SLC35F1: variants seen among roughly 807,000 people sequenced by gnomAD.
SLC35F1 encodes the protein solute carrier family 35 member F1.
A neutral mutation model predicts 48.7 loss-of-function variants in SLC35F1; 14 were observed. The ratio of observed to expected loss-of-function variants is 0.29; its 90% CI spans 0.19 to 0.45. The LOEUF (loss-of-function observed/expected upper bound fraction) is 0.45. Among genes scored for constraint, SLC35F1 ranks in the 20% least tolerant of loss-of-function variants. SLC35F1 has a pLI of 1.00. For synonymous variants in SLC35F1, 190 were observed against 202.2 expected (o/e 0.94, Z 0.51); for missense variants, 404 against 500.0 (o/e 0.81, Z 1.83).
intron 1 of SLC35F1, among the ~76,000 whole-genome samples, chr6:117,937,215 C>G (rs1776172847): frequency 6.6e-6 from 1 of 152,166 alleles, no homozygotes; most frequent in African/African-American, 2.4e-5. Flanking sequence ...CTGCCACACT[C>G]TTATGGAAGA....
intron 2 of SLC35F1, among the ~76,000 whole-genome samples, chr6:118,199,334 A>AT (rs1213484019): frequency 3.3e-5 from 5 of 152,140 alleles, no homozygotes; most frequent in Non-Finnish European, 7.4e-5. Flanking sequence ...TTATATTTAC[A>AT]TTTTTATGCA....
At chr6:118,071,977 G>C (rs1053423589) in intron 1 of SLC35F1, among the ~76,000 whole-genome samples, 17 of 152,038 alleles carry the variant, frequency 1.1e-4, no homozygotes, top group African/African-American at 3.9e-4. Flanking sequence ...CTTTAGCTCC[G>C]GAATATTTTT....
chr6:118,050,763 A>T (rs1395916329), intron 1 of SLC35F1, among the ~76,000 whole-genome samples: 1 of 152,104 alleles, frequency 6.6e-6, no homozygotes, highest in Non-Finnish European at 1.5e-5. Flanking sequence ...AACCATATTT[A>T]AGGAACTTGA....
intron 1 of SLC35F1, among the ~76,000 whole-genome samples, chr6:117,982,597 T>C (rs533484459): frequency 6.6e-6 from 1 of 152,274 alleles, no homozygotes; most frequent in South Asian, 2.1e-4. Flanking sequence ...GAATCTGTGG[T>C]ATGGATGGAC....
chr6:118,100,301 T>G (rs1269618866), intron 1 of SLC35F1, among the ~76,000 whole-genome samples: 1 of 152,086 alleles, frequency 6.6e-6, no homozygotes, highest in Non-Finnish European at 1.5e-5. Flanking sequence ...AATAGACCAC[T>G]GAGAAAACTA....
intron 4 of SLC35F1, among the ~76,000 whole-genome samples, chr6:118,270,500 A>G (rs1260226946): frequency 6.6e-6 from 1 of 152,180 alleles, no homozygotes; most frequent in Non-Finnish European, 1.5e-5. Flanking sequence ...TGTGTTGGGA[A>G]GGATGCGAAC....
chr6:118,265,433 A>G (rs79173016), intron 3 of SLC35F1, among the ~76,000 whole-genome samples: 6,079 of 152,304 alleles, frequency 0.04, 421 homozygotes, highest in African/African-American at 0.14. Flanking sequence ...GAAGTACAGC[A>G]TTCAACAAAA....
rs956079540 is a variant in SLC35F1, at chr6:118,263,555, T to A, written c.478-3440T>A. Among the ~76,000 whole-genome samples the A allele has an allele frequency of 1.4e-4, 21 of 152,310 alleles. 3 individuals are homozygous for A. Among genetic ancestry groups the A allele is most frequent in the Admixed American group, 7.2e-4 (11 of 15,294 alleles). On this transcript the variant is annotated intron_variant, in intron 3 of 7. Transcript: ENST00000360388. ...GGAGATTTTTCAGAGCATAAGATGG[T>A]TATAAAATAATATTTGTTTATTTTT...
intron 1 of SLC35F1, among the ~76,000 whole-genome samples, chr6:118,100,143 T>C (rs1300879746): frequency 6.6e-6 from 1 of 152,152 alleles, no homozygotes; most frequent in Non-Finnish European, 1.5e-5. Context: ...ACATGAGCTA[T>C]AAGTGACAGG....
At chr6:118,195,013 A>C (rs1051731346) in intron 2 of SLC35F1, among the ~76,000 whole-genome samples, 1 of 152,142 alleles carries the variant, frequency 6.6e-6, no homozygotes, top group African/African-American at 2.4e-5. Flanking sequence ...GCCAGAGCAA[A>C]ATGTGTGTGA....
chr6:118,216,028 T>C (rs1214576457), intron 2 of SLC35F1, among the ~76,000 whole-genome samples: 4 of 152,076 alleles, frequency 2.6e-5, no homozygotes, highest in African/African-American at 9.7e-5. Context: ...AGATTTTGAA[T>C]ATTTGGTATG....
At chr6:117,989,385 C>A (rs1776888826) in intron 1 of SLC35F1, among the ~76,000 whole-genome samples, 1 of 152,184 alleles carries the variant, frequency 6.6e-6, no homozygotes, top group African/African-American at 2.4e-5. Context: ...CCACTTGTAG[C>A]CTGTCAGATA....
chr6:117,974,015 T>C (rs916828059), intron 1 of SLC35F1, among the ~76,000 whole-genome samples: 1 of 152,188 alleles, frequency 6.6e-6, no homozygotes, highest in African/African-American at 2.4e-5. Context: ...TGCTGGATGG[T>C]GCCAGTTTTA....
chr6:118,076,012 G>A (rs1333055070), intron 1 of SLC35F1, among the ~76,000 whole-genome samples: 2 of 152,152 alleles, frequency 1.3e-5, no homozygotes, highest in Non-Finnish European at 2.9e-5. Flanking sequence ...TGTGGAGGCT[G>A]AGTGTCAGCC....
Position 118,120,874 on chromosome 6 carries a change from G to C in SLC35F1, c.174-33571G>C, listed in dbSNP as rs555313198. The stretch of plus-strand genomic sequence containing the variant: ...CCAGGACTCTCAATGTAGAACTGAA[G>C]CCTCAATTGCAGTAGTTAAATGATT... On this transcript the variant is annotated intron_variant, in intron 1 of 7. Coordinates refer to ENST00000360388, the MANE Select transcript of SLC35F1 (RefSeq NM_001029858.4). 1.1e-4 allele frequency among the ~76,000 whole-genome samples: 16 copies of C among 152,252 alleles called. No individual in the cohort carries two copies. The South Asian group carries it at 3.3e-3, about 32-fold the overall frequency.
At chr6:118,227,737 AAAG>A (rs1775237444) in intron 2 of SLC35F1, among the ~76,000 whole-genome samples, 1 of 152,230 alleles carries the variant, frequency 6.6e-6, no homozygotes, top group South Asian at 2.1e-4. Context: ...ACAAAACAAA[AAAG>A]AATGAAAAGA....
intron 1 of SLC35F1, among the ~76,000 whole-genome samples, chr6:118,080,658 C>T (rs899009173): frequency 6.6e-6 from 1 of 152,152 alleles, no homozygotes; most frequent in African/African-American, 2.4e-5. Flanking sequence ...AATGAAAGTG[C>T]TTGTAGCTTA....
chr6:117,966,393 C>A (rs779521269), intron 1 of SLC35F1, among the ~76,000 whole-genome samples: 1 of 151,528 alleles, frequency 6.6e-6, no homozygotes, highest in Non-Finnish European at 1.5e-5. Flanking sequence ...ACACTCGCCG[C>A]GAAGATCTGC....
chr6:118,168,848 T>C (rs1774357501), intron 2 of SLC35F1, among the ~76,000 whole-genome samples: 4 of 152,230 alleles, frequency 2.6e-5, no homozygotes, highest in Admixed American at 2.6e-4. Context: ...AATCTTATGT[T>C]ATAAAGTGAC....
Sources: gnomAD v4.1 joint callset for allele counts (sites outside exome capture counted in the v4.1 genomes callset) on GRCh38, gnomAD v4.1.1 for gene constraint, MANE v1.5 for transcripts, NCBI Gene and HGNC (gene_info 2026-07-23, HGNC 2026-07-21) for gene names.